Variants in NDUFS1 observed in about 807,000 individuals in gnomAD.
NDUFS1 encodes NADH:ubiquinone oxidoreductase core subunit S1, also known as NADH-ubiquinone oxidoreductase 75 kDa subunit, mitochondrial.
In NDUFS1, 61 loss-of-function variants were observed where a neutral mutation model predicts 84.4. The ratio of observed to expected loss-of-function variants is 0.72; its 90% CI spans 0.59 to 0.89. The LOEUF (loss-of-function observed/expected upper bound fraction) is 0.89, where lower values mean the gene tolerates loss of function less well. Ranked by LOEUF, NDUFS1 falls within the 40% of genes least tolerant of loss-of-function variation. The pLI, the probability that NDUFS1 is intolerant of heterozygous loss-of-function variation, is 0.00. For missense variants in NDUFS1, 891 were observed against 890.0 expected (o/e 1.00, Z -0.01); for synonymous variants, 275 against 290.0 (o/e 0.95, Z 0.53).
rs1022713138 is a variant in NDUFS1 at position 206,120,664 on chromosome 2, C to T, written c.*3521G>A. 2 of 152,288 alleles carry T rather than the reference C, an allele frequency of 1.3e-5. No homozygotes were observed. The highest frequency in any genetic ancestry group is 4.8e-5 in the African/African-American group (2 of 41,422). The allele number at this position is 152,288 out of a possible 1,614,324, so 9.4% of individuals were successfully genotyped here. On this transcript the variant is annotated 3_prime_UTR_variant, in exon 19 of 19. Coordinates refer to ENST00000233190, the MANE Select transcript of NDUFS1 (RefSeq NM_005006.7). ...CATTCAAGATGTGGCCTGGCTGATGCTAGCAGCCTACAATCAGATATGGAA... is the reference window on the plus strand; with the variant it reads ...CATTCAAGATGTGGCCTGGCTGATGTTAGCAGCCTACAATCAGATATGGAA...
Position 206,127,950 on chromosome 2 carries a change from A to G in NDUFS1, c.1731T>C (p.Ala577=), listed in dbSNP as rs1691357705. The change falls in exon 16 of 19, where the codon GCT becomes GCC. Residue 577 remains alanine, a synonymous_variant. Coordinates refer to ENST00000233190, the MANE Select transcript of NDUFS1 (RefSeq NM_005006.7). ...IYQGHHGDVG[A]PIADVILPGA... The stretch of plus-strand genomic sequence containing the variant: ...CTGGGAGAATAACATCAGCTATGGG[A>G]GCCCCAACATCACCATGATGTCCTG... 6.2e-7 allele frequency: 1 copy of G among 1,614,142 alleles called. No individual in the cohort carries two copies. Among genetic ancestry groups the G allele is most frequent in the African/African-American group, 1.3e-5 (1 of 75,032 alleles).
rs367723817 is a variant in NDUFS1 at position 206,140,943 on chromosome 2, T to TATATATATATATACACACACACACAC, written c.1262+997_1262+998insGTGTGTGTGTGTGTATATATATATAT. 5.1e-5 allele frequency among the ~76,000 whole-genome samples: 7 copies of TATATATATATATACACACACACACAC among 136,110 alleles called. No homozygotes were observed. The South Asian group carries it at 6.9e-4, about 13-fold the overall frequency. The allele number at this position is 136,110 out of a possible 152,430, so 89.3% of individuals were successfully genotyped here. A position where few individuals can be genotyped will look rare whatever the true frequency, so the allele number is the denominator to read the frequency against. On this transcript the variant is annotated intron_variant, in intron 12 of 18. Coordinates refer to ENST00000233190, the MANE Select transcript of NDUFS1 (RefSeq NM_005006.7). ...GTGTGTATATATATATATATATATA[T>TATATATATATATACACACACACACAC]ACACACACACTGAGAATCATAATAC... is the stretch of plus-strand genomic sequence containing the variant.
chr2:206,158,036 T>C (rs1302700653), intron 1 of NDUFS1, among the ~76,000 whole-genome samples: 1 of 149,936 alleles, frequency 6.7e-6, no homozygotes, highest in Non-Finnish European at 1.5e-5. Context: ...CGATCTCGGC[T>C]CACTGCAAGC....
chr2:206,127,957 A>G lies in NDUFS1; in HGVS notation c.1724T>C (p.Val575Ala). Residue 575 changes from valine (V) to alanine (A), a missense_variant, in exon 16 of 19, where the codon GTT (valine) becomes GCT (alanine). Coordinates refer to ENST00000233190, the MANE Select transcript of NDUFS1 (RefSeq NM_005006.7). ...FIIYQGHHGD[V>A]GAPIADVILP... ...AATAACATCAGCTATGGGAGCCCCAACATCACCATGATGTCCTGCACAAAG... is the reference window on the plus strand; with the variant it reads ...AATAACATCAGCTATGGGAGCCCCAGCATCACCATGATGTCCTGCACAAAG... 1 of 1,614,134 alleles carries G rather than the reference A, an allele frequency of 6.2e-7. No homozygotes were observed. The highest frequency in any genetic ancestry group is 2.2e-5 in the East Asian group (1 of 44,876).
chr2:206,117,860 T>A lies in NDUFS1; in HGVS notation c.*6325A>T, dbSNP rs1023460254. Reference sequence around the variant, plus strand: ...ATAAAATGCAGGTATAATACTAAAATTTTTTTTTGTATAGTCCTTTACAGA... The same window carrying A: ...ATAAAATGCAGGTATAATACTAAAAATTTTTTTTGTATAGTCCTTTACAGA... On this transcript the variant is annotated 3_prime_UTR_variant, in exon 19 of 19. Coordinates refer to ENST00000233190, the MANE Select transcript of NDUFS1 (RefSeq NM_005006.7). 3 of 151,818 alleles carry A rather than the reference T, an allele frequency of 2.0e-5. No individual in the cohort carries two copies. Among genetic ancestry groups the A allele is most frequent in the African/African-American group, 4.8e-5 (2 of 41,286 alleles). 9.4% of individuals were successfully genotyped at this position (151,818 alleles called of 1,614,324 possible).
At chr2:206,143,573 T>C (rs1692045635) in intron 10 of NDUFS1, among the ~76,000 whole-genome samples, 1 of 151,656 alleles carries the variant, frequency 6.6e-6, no homozygotes, top group South Asian at 2.1e-4. Context: ...AATCACCTTC[T>C]GTAGGAAGGC....
intron 3 of NDUFS1, 135 bp from the exon 4 acceptor site, chr2:206,150,060 C>A: frequency 2.7e-6 from 1 of 376,982 alleles, no homozygotes; most frequent in East Asian, 3.9e-5. Context: ...TATCTTAATT[C>A]ATTCTTATTT....
At chr2:206,132,148 C>T (rs888764473) in intron 14 of NDUFS1, among the ~76,000 whole-genome samples, 31 of 151,552 alleles carry the variant, frequency 2.0e-4, no homozygotes, top group East Asian at 3.9e-4. Flanking sequence ...TAAAATATTA[C>T]GCAGGGTAAA....
intron 5 of NDUFS1, 137 bp downstream of exon 5, chr2:206,148,883 T>C (rs1692260421): frequency 1.5e-6 from 1 of 685,850 alleles, no homozygotes; most frequent in African/African-American, 1.8e-5. Context: ...TACTCACTTC[T>C]ATTGCTCCTA....
chr2:206,136,424 T>C (rs988108239), intron 13 of NDUFS1, among the ~76,000 whole-genome samples: 1 of 140,382 alleles, frequency 7.1e-6, no homozygotes, highest in African/African-American at 2.8e-5. Context: ...TTTTTAGTTG[T>C]TGGTTTTTTT....
chr2:206,119,277 T>G lies in NDUFS1; in HGVS notation c.*4908A>C, dbSNP rs1461804943. 2.0e-5 allele frequency: 3 copies of G among 152,196 alleles called. No individual in the cohort carries two copies. Among genetic ancestry groups the G allele is most frequent in the Non-Finnish European group, 4.4e-5 (3 of 68,018 alleles). The allele number at this position is 152,196 out of a possible 1,614,324, so 9.4% of individuals were successfully genotyped here. On this transcript the variant is annotated 3_prime_UTR_variant, in exon 19 of 19. Coordinates refer to ENST00000233190, the MANE Select transcript of NDUFS1 (RefSeq NM_005006.7). ...CTTTCTGATGTAATCATCAAAACAA[T>G]TCTATGAGGCTGGAAGTAGGTACAA...
intron 15 of NDUFS1, 76 bp downstream of exon 15, chr2:206,130,012 A>T: frequency 6.4e-7 from 1 of 1,564,776 alleles, no homozygotes; most frequent in South Asian, 1.1e-5. Flanking sequence ...CAGTTCACTA[A>T]ATATATTACT....
At chr2:206,136,419 A>T (rs1368042525) in intron 13 of NDUFS1, among the ~76,000 whole-genome samples, 2 of 137,944 alleles carry the variant, frequency 1.4e-5, no homozygotes, top group African/African-American at 2.7e-5. Context: ...CTTAGTTTTT[A>T]GTTGTTGGTT....
intron 1 of NDUFS1, among the ~76,000 whole-genome samples, chr2:206,157,664 A>G (rs550103633): frequency 6.6e-6 from 1 of 152,368 alleles, no homozygotes; most frequent in Admixed American, 6.5e-5. Flanking sequence ...TAGGAAATCA[A>G]CTAGAACTAG....
At chr2:206,141,824 C>A in intron 12 of NDUFS1, 117 bp downstream of exon 12, 2 of 882,482 alleles carry the variant, frequency 2.3e-6, no homozygotes, top group Non-Finnish European at 3.5e-6. Context: ...AATTGTCTTC[C>A]AGTTATCTTT....
chr2:206,123,057 C>T lies in NDUFS1; in HGVS notation c.*1128G>A, dbSNP rs546750211. 9.9e-5 allele frequency: 15 copies of T among 152,136 alleles called. No homozygotes were observed. In the South Asian group the frequency reaches 3.1e-3, roughly 32 times the overall value. 9.4% of individuals were successfully genotyped at this position (152,136 alleles called of 1,614,324 possible). On this transcript the variant is annotated 3_prime_UTR_variant, in exon 19 of 19. Coordinates refer to ENST00000233190, the MANE Select transcript of NDUFS1 (RefSeq NM_005006.7). ...ACCTTAGATTAAAAAAAAAAATTAT[C>T]TATTTTTAATTATCTCCTAATTGTA...
chr2:206,143,264 C>T (rs993235864), intron 10 of NDUFS1, among the ~76,000 whole-genome samples: 4 of 152,044 alleles, frequency 2.6e-5, no homozygotes, highest in Admixed American at 2.6e-4. Context: ...ATCTCAAAAA[C>T]ACAAAAAAAG....
chr2:206,142,604 G>A, intron 11 of NDUFS1, 82 bp downstream of exon 11: 2 of 1,539,488 alleles, frequency 1.3e-6, no homozygotes, highest in African/African-American at 1.4e-5. Flanking sequence ...ATATGTTGGA[G>A]AATCCAGGTT....
At chr2:206,154,123 T>C (rs4147712) in intron 1 of NDUFS1, among the ~76,000 whole-genome samples, 80,288 of 152,114 alleles carry the variant, frequency 0.53, 22,773 homozygotes, top group African/African-American at 0.74. Context: ...CTACTAAATG[T>C]TCCTGAGATA....
Sources: gnomAD v4.1 joint callset for allele counts (sites outside exome capture counted in the v4.1 genomes callset) on GRCh38, gnomAD v4.1.1 for gene constraint, MANE v1.5 for transcripts, NCBI Gene and HGNC (gene_info 2026-07-23, HGNC 2026-07-21) for gene names.